Variants in USP49 observed in about 807,000 individuals in gnomAD.
USP49 encodes ubiquitin carboxyl-terminal hydrolase 49.
Under a neutral mutation model 58.6 loss-of-function variants are expected in USP49, and 24 were observed. The observed-to-expected ratio is 0.41, with a 90% confidence interval of 0.30 to 0.58. USP49 has a LOEUF of 0.58. Among genes scored for constraint, USP49 ranks in the 20% least tolerant of loss-of-function variants. The pLI is 0.30. For synonymous variants in USP49, 408 were observed against 365.1 expected (o/e 1.12, Z -1.34); for missense variants, 703 against 866.1 (o/e 0.81, Z 2.36).
intron 2 of USP49, among the ~76,000 whole-genome samples, chr6:41,887,034 A>G (rs1033850656): frequency 4.6e-5 from 7 of 152,224 alleles, no homozygotes; most frequent in African/African-American, 1.7e-4. Context: ...ATGCACCCAC[A>G]TGGTCCATCC....
chr6:41,861,844 G>A (rs1478752479), intron 3 of USP49, among the ~76,000 whole-genome samples: 1 of 151,864 alleles, frequency 6.6e-6, no homozygotes, highest in South Asian at 2.1e-4. Context: ...GATTACAGGT[G>A]CACACCACCA....
chr6:41,878,405 A>G (rs984470486), intron 2 of USP49, among the ~76,000 whole-genome samples: 2 of 152,238 alleles, frequency 1.3e-5, no homozygotes, highest in Non-Finnish European at 2.9e-5. Context: ...TCACCAAAAA[A>G]TGTGACCTGA....
chr6:41,864,379 A>G (rs1056801339), intron 3 of USP49, among the ~76,000 whole-genome samples: 2 of 152,068 alleles, frequency 1.3e-5, no homozygotes, highest in Admixed American at 6.5e-5. Context: ...CCTGGTCAAC[A>G]TGGTGAAACC....
intron 3 of USP49, among the ~76,000 whole-genome samples, chr6:41,810,230 C>T (rs893199358): frequency 6.6e-6 from 1 of 151,582 alleles, no homozygotes; most frequent in African/African-American, 2.4e-5. Flanking sequence ...CCTGTAATCC[C>T]AACATTTTGG....
At chr6:41,853,368 C>A (rs1774064352) in intron 3 of USP49, among the ~76,000 whole-genome samples, 1 of 152,058 alleles carries the variant, frequency 6.6e-6, no homozygotes, top group South Asian at 2.1e-4. Flanking sequence ...TTGCCAGGGA[C>A]TGGGGAAGAG....
chr6:41,798,909 C>A lies in USP49; in HGVS notation c.1691G>T (p.Arg564Leu). ...GACGACATGGACCCCAATCTTCTCT[C>A]GATGATTACGGCCAGACCACCTAGA... ...KRFRWSGRNH[R>L]EKIGVHVVFD... The change falls in exon 7 of 8, where the codon CGA (arginine) becomes CTA (leucine). Residue 564 changes from arginine (R) to leucine (L), a missense_variant. Coordinates refer to ENST00000682992, the MANE Select transcript of USP49 (RefSeq NM_001286554.2). 5 of 1,609,362 alleles carry A rather than the reference C, an allele frequency of 3.1e-6. No individual in the cohort carries two copies. The highest frequency in any genetic ancestry group is 4.2e-6 in the Non-Finnish European group (5 of 1,177,588).
chr6:41,889,331 C>T (rs374298004), intron 2 of USP49, among the ~76,000 whole-genome samples: 1 of 152,222 alleles, frequency 6.6e-6, no homozygotes, highest in Non-Finnish European at 1.5e-5. Flanking sequence ...CCGCACGCAG[C>T]CAACCAATAT....
chr6:41,823,844 G>C (rs1773491715), intron 3 of USP49, among the ~76,000 whole-genome samples: 1 of 152,128 alleles, frequency 6.6e-6, no homozygotes, highest in African/African-American at 2.4e-5. Flanking sequence ...GGGGTCGGGA[G>C]AGAGGGAGAG....
chr6:41,854,755 T>C (rs1298856788), intron 3 of USP49, among the ~76,000 whole-genome samples: 1 of 152,142 alleles, frequency 6.6e-6, no homozygotes, highest in African/African-American at 2.4e-5. Context: ...ATCAAATCCT[T>C]AGAACAACGC....
Position 41,805,532 on chromosome 6 carries a change from G to A in USP49, c.1356+96C>T, listed in dbSNP as rs139033829. The A allele has an allele frequency of 4.8e-4, 631 of 1,320,986 alleles. 4 individuals carry two copies. The African/African-American group carries it at 8.3e-3, about 17-fold the overall frequency. 81.8% of individuals were successfully genotyped at this position (1,320,986 alleles called of 1,614,324 possible). A position where few individuals can be genotyped will look rare whatever the true frequency, so the allele number is the denominator to read the frequency against. On this transcript the variant is annotated intron_variant, in intron 4 of 7. Coordinates refer to ENST00000682992, the MANE Select transcript of USP49 (RefSeq NM_001286554.2). ...AAATTGCATAATCACAGCAAATGTG[G>A]GCTACTCTTATTAGCCCAATAACCC...
intron 5 of USP49, among the ~76,000 whole-genome samples, chr6:41,801,793 G>GCAA (rs1334455493): frequency 6.6e-6 from 1 of 152,134 alleles, no homozygotes; most frequent in Non-Finnish European, 1.5e-5. Flanking sequence ...AACTTCACAG[G>GCAA]CAACAGATCA....
chr6:41,889,837 C>G (rs74985576), intron 2 of USP49, among the ~76,000 whole-genome samples: 8,514 of 152,094 alleles, frequency 0.056, 420 homozygotes, highest in Admixed American at 0.12. Context: ...TAAAAATACT[C>G]AAGTGAGAGA....
In USP49 at chr6:41,794,130, C is replaced by T. The variant is rs1462253456; in HGVS notation, c.*2403G>A. 3 of 152,232 alleles carry T rather than the reference C, an allele frequency of 2.0e-5. No individual in the cohort carries two copies. Among genetic ancestry groups the T allele is most frequent in the African/African-American group, 7.2e-5 (3 of 41,448 alleles). 9.4% of individuals were successfully genotyped at this position (152,232 alleles called of 1,614,324 possible). On this transcript the variant is annotated 3_prime_UTR_variant, in exon 8 of 8. Coordinates refer to ENST00000682992, the MANE Select transcript of USP49 (RefSeq NM_001286554.2). ...TAATAAAAATCTCCTTAAATACTAA[C>T]GTCCTAAGTGTCCAGTGCTGCCGCC...
At chr6:41,831,246 C>G (rs1023569009) in intron 3 of USP49, among the ~76,000 whole-genome samples, 1 of 151,808 alleles carries the variant, frequency 6.6e-6, no homozygotes, top group Admixed American at 6.6e-5. Context: ...AAAAATTAGC[C>G]GGGCGTGGTG....
intron 3 of USP49, among the ~76,000 whole-genome samples, chr6:41,832,606 T>C (rs1437969560): frequency 1.3e-5 from 2 of 151,956 alleles, no homozygotes; most frequent in Non-Finnish European, 2.9e-5. Flanking sequence ...AGAAACCTGG[T>C]GTTATTATGA....
chr6:41,809,814 G>C (rs556269507), intron 3 of USP49, among the ~76,000 whole-genome samples: 2 of 131,898 alleles, frequency 1.5e-5, no homozygotes, highest in Non-Finnish European at 1.6e-5. Flanking sequence ...GTGACAGAGC[G>C]AGACTCCGTC....
intron 3 of USP49, among the ~76,000 whole-genome samples, chr6:41,862,360 T>C (rs183671316): frequency 4.6e-5 from 7 of 152,342 alleles, no homozygotes; most frequent in Admixed American, 2.6e-4. Flanking sequence ...TATGTTTCAA[T>C]AGGACATTTG....
At chr6:41,854,615 C>T (rs936667139) in intron 3 of USP49, among the ~76,000 whole-genome samples, 3 of 152,064 alleles carry the variant, frequency 2.0e-5, no homozygotes, top group African/African-American at 7.2e-5. Flanking sequence ...TTAAAATATT[C>T]TTTCTTGCAT....
Position 41,806,204 on chromosome 6 carries a change from G to A in USP49, c.780C>T (p.Asn260=), listed in dbSNP as rs1773119191. 1.9e-6 allele frequency: 3 copies of A among 1,612,440 alleles called. No individual in the cohort carries two copies. The highest frequency in any genetic ancestry group is 1.7e-6 in the Non-Finnish European group (2 of 1,180,038). ...GGAGGATGGAGTTCATGTAGCAGGT[G>A]TTGCCCAGGTTGCGCAGGCCCGTGA... ...PGVTGLRNLG[N]TCYMNSILQV... Residue 260 remains asparagine (N), a synonymous_variant, in exon 4 of 8, where the codon AAC becomes AAT. Coordinates refer to ENST00000682992, the MANE Select transcript of USP49 (RefSeq NM_001286554.2). The surrounding 1 kb of genome is among the most constrained non-coding windows in gnomAD (Gnocchi z 5.9).
Sources: allele counts gnomAD v4.1 joint callset (sites outside exome capture counted in the v4.1 genomes callset), GRCh38; gene constraint gnomAD v4.1.1; non-coding constraint Gnocchi (gnomAD v3.1); transcripts MANE v1.5; gene names NCBI Gene and HGNC (gene_info 2026-07-23, HGNC 2026-07-21).